TMEM164: variants seen among roughly 807,000 people sequenced by gnomAD.
TMEM164 encodes transmembrane protein 164.
TMEM164 carries 4 observed loss-of-function variants against 18.8 expected under a neutral mutation model. That is an observed-to-expected ratio of 0.21 (90% confidence interval 0.10 to 0.49). The LOEUF (loss-of-function observed/expected upper bound fraction) is 0.49, where lower values mean the gene tolerates loss of function less well. Ranked by LOEUF, TMEM164 falls within the 20% of genes least tolerant of loss-of-function variation. The probability of loss-of-function intolerance (pLI) is 0.98; values close to 1 mark genes in which losing one functional copy is unlikely to be tolerated. For missense variants in TMEM164, 108 were observed against 239.9 expected (o/e 0.45, Z 3.63); for synonymous variants, 86 against 101.7 (o/e 0.85, Z 0.93).
intron 4 of TMEM164, among the ~76,000 whole-genome samples, chrX:110,127,006 T>C (rs2148020410): frequency 9.0e-6 from 1 of 111,071 alleles, no homozygotes; most frequent in South Asian, 3.9e-4. Context: ...CCACATGCAC[T>C]GTACATAACT....
chrX:110,175,599 G>A lies in TMEM164; in HGVS notation c.*2148G>A, dbSNP rs940749128. ...GAGGGCACTTTCTGGTGCTTGGAAG[G>A]AGAGAAGAAAGCAAAAGCCACATGC... On this transcript the variant is annotated 3_prime_UTR_variant, in exon 7 of 7. Transcript: ENST00000372068. 1 of 305,734 alleles carries A rather than the reference G, an allele frequency of 3.3e-6. No homozygotes were observed. Among genetic ancestry groups the A allele is most frequent in the African/African-American group, 2.9e-5 (1 of 34,682 alleles). 25.2% of individuals were successfully genotyped at this position (305,734 alleles called of 1,213,427 possible).
Position 110,105,175 on chromosome X carries a change from ACCATCCAT to A in TMEM164, c.441-3867_441-3860del, listed in dbSNP as rs55889712. On this transcript the variant is annotated intron_variant, in intron 3 of 6. Transcript: ENST00000372068. ...TCCCTTCCTTCCTTCCTTCCATCCA[ACCATCCAT>A]CCATCCATCCATCCATCCATCCATC... Among the ~76,000 whole-genome samples, 397 of 88,976 alleles carry A rather than the reference ACCATCCAT, an allele frequency of 4.5e-3. 3 individuals carry two copies. Among genetic ancestry groups the A allele is most frequent in the Middle Eastern group, 0.017 (3 of 179 alleles). 77.3% of individuals were successfully genotyped at this position (88,976 alleles called of 115,157 possible). A position where few individuals can be genotyped will look rare whatever the true frequency, so the allele number is the denominator to read the frequency against.
chrX:110,064,805 T>C (rs1936258151), intron 2 of TMEM164, among the ~76,000 whole-genome samples: 1 of 108,058 alleles, frequency 9.3e-6, no homozygotes, highest in Admixed American at 1.0e-4. Context: ...AGTGAGACTC[T>C]GTCTCCACAA....
At chrX:110,080,446 G>C (rs2065736151) in intron 3 of TMEM164, among the ~76,000 whole-genome samples, 1 of 111,394 alleles carries the variant, frequency 9.0e-6, no homozygotes, top group South Asian at 3.7e-4. Flanking sequence ...TCACTGCCAG[G>C]ATATTTTCAT....
intron 4 of TMEM164, among the ~76,000 whole-genome samples, chrX:110,135,615 TG>T (rs1240513199): frequency 8.1e-4 from 91 of 112,109 alleles, no homozygotes; most frequent in African/African-American, 2.6e-3. Context: ...TACTGTATCT[TG>T]GGGTTTCACC....
chrX:110,075,643 G>C (rs1292584673), intron 3 of TMEM164, among the ~76,000 whole-genome samples: 1 of 111,514 alleles, frequency 9.0e-6, no homozygotes, highest in Non-Finnish European at 1.9e-5. Context: ...TCAATGTTTA[G>C]CTTGTTGAAG....
At chrX:110,070,030 C>G (rs2065562465) in intron 3 of TMEM164, among the ~76,000 whole-genome samples, 1 of 111,498 alleles carries the variant, frequency 9.0e-6, no homozygotes, top group South Asian at 3.7e-4. Context: ...AAATATTTTT[C>G]TGGGGCCGGG....
intron 2 of TMEM164, among the ~76,000 whole-genome samples, chrX:110,038,178 GA>G (rs768017589): frequency 0.033 from 3,646 of 108,851 alleles, 190 homozygotes; most frequent in African/African-American, 0.12. Flanking sequence ...TTTTAGTAGA[GA>G]ACGGGGTTTC....
At chrX:110,017,444 TTCTC>T (rs1555984589) in intron 2 of TMEM164, among the ~76,000 whole-genome samples, 2 of 43,016 alleles carry the variant, frequency 4.6e-5, no homozygotes, top group African/African-American at 1.7e-4. Flanking sequence ...CTTTCTTTCT[TTCTC>T]TCTCTCTCTC....
intron 3 of TMEM164, among the ~76,000 whole-genome samples, chrX:110,082,493 A>G (rs1376560623): frequency 9.0e-6 from 1 of 111,139 alleles, no homozygotes; most frequent in Admixed American, 9.7e-5. Flanking sequence ...TCTTTTCCTC[A>G]CTTCGGTTTG....
Position 110,026,154 on chromosome X carries a change from A to T in TMEM164, c.390+21990A>T, listed in dbSNP as rs186036545. 5.3e-5 allele frequency among the ~76,000 whole-genome samples: 6 copies of T among 112,311 alleles called. No homozygotes were observed. The East Asian group carries it at 1.7e-3, about 31-fold the overall frequency. ...GCCAGTAACAACAACCTTTCTTCTA[A>T]TACCTCATGAACTTCTCCTGGCATT... On this transcript the variant is annotated intron_variant, in intron 2 of 6. Coordinates refer to ENST00000372068, the MANE Select transcript of TMEM164 (RefSeq NM_032227.4).
intron 4 of TMEM164, among the ~76,000 whole-genome samples, chrX:110,128,187 G>A (rs1275932656): frequency 6.2e-5 from 7 of 112,018 alleles, no homozygotes; most frequent in African/African-American, 1.3e-4. Flanking sequence ...GCATAGGGTC[G>A]TTCCCCCAGC....
chrX:110,167,710 C>T (rs191072548), intron 5 of TMEM164, among the ~76,000 whole-genome samples: 37 of 111,752 alleles, frequency 3.3e-4, no homozygotes, highest in African/African-American at 1.1e-3. Flanking sequence ...ACCATTCATT[C>T]ACCCAAGCAG....
chrX:110,106,093 G>A (rs761265207), intron 3 of TMEM164, among the ~76,000 whole-genome samples: 2 of 112,169 alleles, frequency 1.8e-5, no homozygotes, highest in East Asian at 5.6e-4. Context: ...TTATTAATAT[G>A]CAAGGCTTCT....
At position 110,173,780 on chromosome X, in the gene TMEM164, G is replaced by A. The variant is rs2067260461; in HGVS notation, c.*329G>A. ...GGTGCTTTAACAACAGCTGGTTGAG[G>A]AGAAAGGGAACAACAAGTAGTAGTT... On this transcript the variant is annotated 3_prime_UTR_variant, in exon 7 of 7. Coordinates refer to ENST00000372068, the MANE Select transcript of TMEM164 (RefSeq NM_032227.4). 4.0e-6 allele frequency: 1 copy of A among 248,612 alleles called. No homozygotes were observed. Among genetic ancestry groups the A allele is most frequent in the African/African-American group, 2.9e-5 (1 of 34,350 alleles). 20.5% of individuals were successfully genotyped at this position (248,612 alleles called of 1,213,427 possible). A position where few individuals can be genotyped will look rare whatever the true frequency, so the allele number is the denominator to read the frequency against.
At chrX:110,018,632 A>G (rs1007687478) in intron 2 of TMEM164, among the ~76,000 whole-genome samples, 1 of 112,404 alleles carries the variant, frequency 8.9e-6, no homozygotes, top group African/African-American at 3.2e-5. Flanking sequence ...CAGTATACCT[A>G]AAGCCTCTGG....
At chrX:110,089,582 A>G (rs1267115267) in intron 3 of TMEM164, among the ~76,000 whole-genome samples, 3 of 112,538 alleles carry the variant, frequency 2.7e-5, no homozygotes, top group East Asian at 5.5e-4. Context: ...TATTCTTAAC[A>G]TGATTTCTGA....
rs1932492631 is a variant in TMEM164, at chrX:110,003,713, C to T, written c.-62C>T. ...CATGGTCCACCACCCGGGCAACCCT[C>T]TGGGCTTGTGTTCCATCTCACTCTT... On this transcript the variant is annotated 5_prime_UTR_variant, in exon 2 of 7. Transcript: ENST00000372068. The T allele has an allele frequency of 1.8e-6, 2 of 1,138,494 alleles. No individual in the cohort carries two copies. The highest frequency in any genetic ancestry group is 4.2e-5 in the South Asian group (2 of 47,819). The allele number at this position is 1,138,494 out of a possible 1,213,427, so 93.8% of individuals were successfully genotyped here. A position where few individuals can be genotyped will look rare whatever the true frequency, so the allele number is the denominator to read the frequency against.
In TMEM164 at chrX:110,003,721, G is replaced by A; in HGVS notation, c.-54G>A. 1 of 1,146,782 alleles carries A rather than the reference G, an allele frequency of 8.7e-7. No individual in the cohort carries two copies. 94.5% of individuals were successfully genotyped at this position (1,146,782 alleles called of 1,213,427 possible). On this transcript the variant is annotated 5_prime_UTR_variant, in exon 2 of 7. In the 5' UTR this introduces an upstream ATG that the reference lacks. Coordinates refer to ENST00000372068, the MANE Select transcript of TMEM164 (RefSeq NM_032227.4). ...ACCACCCGGGCAACCCTCTGGGCTTGTGTTCCATCTCACTCTTGCTTCCTG... is the reference window on the plus strand; with the variant it reads ...ACCACCCGGGCAACCCTCTGGGCTTATGTTCCATCTCACTCTTGCTTCCTG...
Sources: allele counts gnomAD v4.1 joint callset (sites outside exome capture counted in the v4.1 genomes callset), GRCh38; gene constraint gnomAD v4.1.1; transcripts MANE v1.5; gene names NCBI Gene and HGNC (gene_info 2026-07-23, HGNC 2026-07-21).